Variants in DHRSX observed in about 807,000 individuals in gnomAD.
DHRSX encodes the protein dehydrogenase/reductase X-linked, also known as polyprenol dehydrogenase.
A neutral mutation model predicts 34.0 loss-of-function variants in DHRSX; 31 were observed. That is an observed-to-expected ratio of 0.91 (90% CI 0.69 to 1.23). The LOEUF (loss-of-function observed/expected upper bound fraction) is 1.23, where lower values mean the gene tolerates loss of function less well. Ranked by LOEUF, DHRSX falls within the 50% of genes most tolerant of loss-of-function variation. The pLI is 0.00. For synonymous variants in DHRSX, 201 were observed against 183.8 expected, an observed-to-expected ratio of 1.09 and a Z score of -0.76; for missense variants, 414 against 428.1, an observed-to-expected ratio of 0.97 and a Z score of 0.29.
At chrX:2,226,119 G>A (rs67431111) in intron 6 of DHRSX, among the ~76,000 whole-genome samples, 1 of 152,058 alleles carries the variant, frequency 6.6e-6, no homozygotes, top group Admixed American at 6.6e-5. Flanking sequence ...TCTATGGGAC[G>A]TCAGGCTGGC....
At chrX:2,411,514 C>T (rs2043628080) in intron 2 of DHRSX, among the ~76,000 whole-genome samples, 1 of 148,106 alleles carries the variant, frequency 6.8e-6, no homozygotes, top group South Asian at 2.1e-4. Flanking sequence ...GAGATCACAC[C>T]ACTGCACTCC....
Position 2,458,653 on chromosome X carries a change from G to T in DHRSX, c.110-33349C>A, listed in dbSNP as rs183465312. Among the ~76,000 whole-genome samples, 7 of 148,426 alleles carry T rather than the reference G, an allele frequency of 4.7e-5. No homozygotes were observed. The East Asian group carries it at 1.4e-3, about 29-fold the overall frequency. Reference sequence around the variant, plus strand: ...AACGCATAAACGCAGAGAGTGCAATGGTGGTTGCCAGGGAAGAATGCTTCA... The same window carrying T: ...AACGCATAAACGCAGAGAGTGCAATTGTGGTTGCCAGGGAAGAATGCTTCA... On this transcript the variant is annotated intron_variant, in intron 1 of 6. Coordinates refer to ENST00000334651, the MANE Select transcript of DHRSX (RefSeq NM_145177.3).
intron 4 of DHRSX, among the ~76,000 whole-genome samples, chrX:2,270,773 G>T (rs775662570): frequency 6.6e-6 from 1 of 152,166 alleles, no homozygotes; most frequent in African/African-American, 2.4e-5. Context: ...GTGGAGACCC[G>T]GAGACCTTTT....
intron 3 of DHRSX, among the ~76,000 whole-genome samples, chrX:2,355,348 C>CA (rs2042835946): frequency 6.6e-6 from 1 of 151,672 alleles, no homozygotes; most frequent in Non-Finnish European, 1.5e-5. Flanking sequence ...CCTGTTTCTA[C>CA]AAAAAATACA....
At position 2,440,916 on chromosome X, in the gene DHRSX, G is replaced by C. The variant is rs189862055; in HGVS notation, c.110-15612C>G. On this transcript the variant is annotated intron_variant, in intron 1 of 6. Transcript: ENST00000334651. Reference sequence around the variant, plus strand: ...CTGTCCCTGTAGATCACCCTGACTTGAACAGCATGAAGAGCAACGCTGTAA... The same window carrying C: ...CTGTCCCTGTAGATCACCCTGACTTCAACAGCATGAAGAGCAACGCTGTAA... Among the ~76,000 whole-genome samples the C allele has an allele frequency of 2.8e-4, 42 of 152,228 alleles. No individual in the cohort carries two copies. The East Asian group carries it at 6.4e-3, about 23-fold the overall frequency.
intron 1 of DHRSX, among the ~76,000 whole-genome samples, chrX:2,453,934 G>C (rs1441004238): frequency 6.6e-6 from 1 of 152,100 alleles, no homozygotes; most frequent in African/African-American, 2.4e-5. Context: ...ATTTTAATAT[G>C]TTAATTAACT....
chrX:2,448,089 G>A (rs1334532429), intron 1 of DHRSX, among the ~76,000 whole-genome samples: 1 of 151,186 alleles, frequency 6.6e-6, no homozygotes, highest in Non-Finnish European at 1.5e-5. Context: ...TGTAGTCCCA[G>A]CTACTTGGGA....
intron 1 of DHRSX, among the ~76,000 whole-genome samples, chrX:2,483,711 C>G (rs1228276061): frequency 6.7e-6 from 1 of 148,804 alleles, no homozygotes; most frequent in Non-Finnish European, 1.5e-5. Flanking sequence ...CCAGAGTGTG[C>G]GATCTGAGCT....
intron 1 of DHRSX, among the ~76,000 whole-genome samples, chrX:2,451,469 T>TG (rs755089696): frequency 1.0e-3 from 154 of 152,252 alleles, no homozygotes; most frequent in African/African-American, 3.5e-3. Context: ...TGGGTGGGGC[T>TG]GGGAGCTGCA....
intron 3 of DHRSX, among the ~76,000 whole-genome samples, chrX:2,408,143 T>G (rs777749892): frequency 8.0e-4 from 121 of 150,556 alleles, no homozygotes; most frequent in Non-Finnish European, 1.5e-3. Flanking sequence ...TGAGACGGAG[T>G]CTTGCTCTCT....
At chrX:2,297,683 TC>T (rs2041950224) in intron 3 of DHRSX, among the ~76,000 whole-genome samples, 1 of 152,122 alleles carries the variant, frequency 6.6e-6, no homozygotes, top group Non-Finnish European at 1.5e-5. Flanking sequence ...GGTCTCAAAC[TC>T]CTGGCCTTGT....
intron 3 of DHRSX, among the ~76,000 whole-genome samples, chrX:2,363,429 ACT>A (rs762139133): frequency 0.29 from 37,528 of 127,330 alleles, 7,690 homozygotes; most frequent in Non-Finnish European, 0.42. Context: ...CCATTTTATC[ACT>A]GTTCTATGGT....
intron 4 of DHRSX, among the ~76,000 whole-genome samples, chrX:2,289,875 C>T (rs918267472): frequency 2.0e-5 from 3 of 152,178 alleles, no homozygotes; most frequent in Admixed American, 6.5e-5. Flanking sequence ...CCAAAGAAGA[C>T]ACACAAAGTT....
intron 1 of DHRSX, among the ~76,000 whole-genome samples, chrX:2,455,426 G>A (rs779571216): frequency 4.6e-5 from 7 of 151,440 alleles, no homozygotes; most frequent in African/African-American, 1.5e-4. Context: ...ACGAACCTGC[G>A]CATGTGCCCC....
intron 1 of DHRSX, among the ~76,000 whole-genome samples, chrX:2,443,045 TTCGTAGAGACAGGGTCTGGCTCTG>T (rs2044082436): frequency 6.6e-6 from 1 of 152,022 alleles, no homozygotes; most frequent in Non-Finnish European, 1.5e-5. Context: ...TTATTTGTGT[TTCGTAGAGACAGGGTCTGGCTCTG>T]TCACCCAAGC....
chrX:2,467,527 A>G (rs2044515372), intron 1 of DHRSX, among the ~76,000 whole-genome samples: 1 of 152,146 alleles, frequency 6.6e-6, no homozygotes, highest in African/African-American at 2.4e-5. Flanking sequence ...AGGAGACCGG[A>G]CTGAAACAGG....
chrX:2,260,813 A>C (rs1323470353), intron 5 of DHRSX, among the ~76,000 whole-genome samples: 4 of 152,144 alleles, frequency 2.6e-5, no homozygotes, highest in African/African-American at 7.2e-5. Context: ...GGTCTACCCT[A>C]ATCATCTCAT....
intron 1 of DHRSX, among the ~76,000 whole-genome samples, chrX:2,458,317 G>C (rs1311048522): frequency 6.6e-6 from 1 of 152,150 alleles, no homozygotes; most frequent in East Asian, 1.9e-4. Flanking sequence ...GCAGGATCCA[G>C]TCATCCCACC....
intron 3 of DHRSX, among the ~76,000 whole-genome samples, chrX:2,401,587 T>C (rs1183383666): frequency 2.0e-5 from 3 of 152,196 alleles, no homozygotes; most frequent in Non-Finnish European, 4.4e-5. Context: ...CAAAAGAGAA[T>C]GGGCCTGCCT....
Sources: gnomAD v4.1 joint callset for allele counts (sites outside exome capture counted in the v4.1 genomes callset) on GRCh38, gnomAD v4.1.1 for gene constraint, MANE v1.5 for transcripts, NCBI Gene and HGNC (gene_info 2026-07-23, HGNC 2026-07-21) for gene names.